Variants in DYM observed in about 807,000 individuals in gnomAD.
The protein encoded by DYM is dyggve-Melchior-Clausen syndrome protein.
Under a neutral mutation model 93.1 loss-of-function variants are expected in DYM, and 78 were observed. That is an observed-to-expected ratio of 0.84 (90% CI 0.70 to 1.01). The LOEUF is 1.01. DYM is among the 50% of genes least tolerant of loss of function. DYM has a pLI of 0.00. For synonymous variants in DYM, 321 were observed against 319.7 expected (o/e 1.00, Z -0.04); for missense variants, 789 against 845.0 (o/e 0.93, Z 0.82).
At chr18:49,316,053 G>A (rs140713250) in intron 8 of DYM, among the ~76,000 whole-genome samples, 1 of 152,272 alleles carries the variant, frequency 6.6e-6, no homozygotes, top group Non-Finnish European at 1.5e-5. Context: ...AGGCCAAGGT[G>A]AGCAGATTGC....
intron 9 of DYM, among the ~76,000 whole-genome samples, chr18:49,284,195 TA>T (rs2095062762): frequency 6.6e-6 from 1 of 152,204 alleles, no homozygotes; most frequent in South Asian, 2.1e-4. Context: ...CCACAACATA[TA>T]TACATTACTA....
At chr18:49,377,927 T>C (rs1366717769) in intron 5 of DYM, among the ~76,000 whole-genome samples, 2 of 152,210 alleles carry the variant, frequency 1.3e-5, no homozygotes, top group African/African-American at 4.8e-5. Context: ...CAGGTGACGC[T>C]GTCAGCCTGA....
chr18:49,328,806 G>A (rs973931942), intron 8 of DYM, among the ~76,000 whole-genome samples: 1 of 152,152 alleles, frequency 6.6e-6, no homozygotes, highest in Non-Finnish European at 1.5e-5. Context: ...AGGATGTGGA[G>A]AAATAGGAAC....
In DYM at chr18:49,076,596, C is replaced by G. The variant is rs559172519; in HGVS notation, c.2025+20806G>C. On this transcript the variant is annotated intron_variant, in intron 17 of 17. Coordinates refer to ENST00000675505, the MANE Select transcript of DYM (RefSeq NM_001353214.3). ...GGGAAGAGGTGAATTGTACATTCTG[C>G]TTTAAAACAACCCTTGAAGGTACTG... Among the ~76,000 whole-genome samples, 4 of 152,290 alleles carry G rather than the reference C, an allele frequency of 2.6e-5. No individual in the cohort carries two copies. In the South Asian group the frequency reaches 8.3e-4, roughly 32 times the overall value.
chr18:49,344,122 C>T (rs2064383261), intron 6 of DYM, among the ~76,000 whole-genome samples: 1 of 152,030 alleles, frequency 6.6e-6, no homozygotes, highest in African/African-American at 2.4e-5. Flanking sequence ...TGATGTTTTT[C>T]AAAAGTCAGT....
chr18:49,314,690 T>G (rs1464495044), intron 8 of DYM, among the ~76,000 whole-genome samples: 1 of 152,236 alleles, frequency 6.6e-6, no homozygotes, highest in Non-Finnish European at 1.5e-5. Context: ...TTTAATTCAT[T>G]TTCGCTTTAT....
intron 8 of DYM, among the ~76,000 whole-genome samples, chr18:49,289,195 A>T (rs1019543283): frequency 2.0e-5 from 3 of 152,256 alleles, no homozygotes; most frequent in African/African-American, 7.2e-5. Context: ...GTATTTAATT[A>T]TAGAAGCATA....
intron 16 of DYM, chr18:49,114,693 A>G: frequency 4.5e-6 from 2 of 441,810 alleles, no homozygotes; most frequent in Non-Finnish European, 3.0e-6. Flanking sequence ...GTGTGTGTTT[A>G]AGAGATGGTC....
chr18:49,061,371 G>A (rs897431264), intron 17 of DYM, among the ~76,000 whole-genome samples: 1 of 152,206 alleles, frequency 6.6e-6, no homozygotes, highest in Non-Finnish European at 1.5e-5. Flanking sequence ...CAGACAGGGA[G>A]ACAGAAAAGC....
chr18:49,236,277 G>T (rs1311038758), intron 13 of DYM, among the ~76,000 whole-genome samples: 1 of 152,052 alleles, frequency 6.6e-6, no homozygotes, highest in East Asian at 1.9e-4. Context: ...TCAGGAGATT[G>T]AGACCATCCT....
Position 49,253,497 on chromosome 18 carries a change from A to C in DYM, c.1460+3513T>G, listed in dbSNP as rs143494102. ...CATAATGATTTCCAGGCCAAAACTC[A>C]AAAGTGTTTTCTAAACTTTAATGTG... On this transcript the variant is annotated intron_variant, in intron 13 of 17. Transcript: ENST00000675505. Among the ~76,000 whole-genome samples, 210 of 152,372 alleles carry C rather than the reference A, an allele frequency of 1.4e-3. 1 individual carries two copies. Among genetic ancestry groups the C allele is most frequent in the African/African-American group, 4.9e-3 (202 of 41,592 alleles).
Position 49,039,353 on chromosome 18 carries a change from A to G in DYM, c.*4702T>C, listed in dbSNP as rs1261384461. Among the ~76,000 whole-genome samples, 2 of 151,954 alleles carry G rather than the reference A, an allele frequency of 1.3e-5. No individual in the cohort carries two copies. Among genetic ancestry groups the G allele is most frequent in the Non-Finnish European group, 2.9e-5 (2 of 67,964 alleles). On this transcript the variant is annotated 3_prime_UTR_variant, in exon 18 of 18. Transcript: ENST00000675505. ...AAAATATTATTTTTCTTTGGTCTTC[A>G]ACAGTTTTACTATGATGTTTCTAGG... is the stretch of plus-strand genomic sequence containing the variant.
chr18:49,134,699 T>C (rs923046552), intron 15 of DYM, among the ~76,000 whole-genome samples: 1 of 152,204 alleles, frequency 6.6e-6, no homozygotes, highest in Non-Finnish European at 1.5e-5. Flanking sequence ...TGTAGCATTG[T>C]CTTAAGCACT....
Position 49,097,428 on chromosome 18 carries a change from C to A in DYM, c.1999G>T (p.Val667Phe), listed in dbSNP as rs768403608. 6.2e-7 allele frequency: 1 copy of A among 1,613,900 alleles called. No homozygotes were observed. Among genetic ancestry groups the A allele is most frequent in the South Asian group, 1.1e-5 (1 of 91,080 alleles). Residue 667 changes from valine (V) to phenylalanine (F), a missense_variant, in exon 17 of 18, where the codon GTT becomes TTT. Physicochemically the swap from Val to Phe is conservative, Grantham distance 50. This residue lies in a region of DYM where 114 missense variants were observed against 105.8 expected (regional missense o/e 1.08). Transcript: ENST00000675505. Reference sequence around the variant, plus strand: ...TTCAGTCTGTCTTTGGGCAGCGCAACGACGCCTTGCTTAATGATTTCCAGG... The same window carrying A: ...TTCAGTCTGTCTTTGGGCAGCGCAAAGACGCCTTGCTTAATGATTTCCAGG... ...RVLEIIKQGVVALPKDRLKKF... is the reference protein window; with the variant it reads ...RVLEIIKQGVFALPKDRLKKF...
intron 14 of DYM, among the ~76,000 whole-genome samples, chr18:49,167,003 TGTGTGTGTG>T (rs1443592445): frequency 2.2e-5 from 3 of 136,486 alleles, no homozygotes; most frequent in Non-Finnish European, 4.5e-5. Context: ...TGTGTGTGTG[TGTGTGTGTG>T]TGTGTGTGTG....
intron 5 of DYM, among the ~76,000 whole-genome samples, chr18:49,366,943 T>C (rs1435519715): frequency 1.3e-5 from 2 of 152,164 alleles, no homozygotes; most frequent in Admixed American, 1.3e-4. Flanking sequence ...AACTCAAATC[T>C]ATACTCTCAA....
intron 17 of DYM, among the ~76,000 whole-genome samples, chr18:49,077,341 A>G (rs1225890372): frequency 6.6e-6 from 1 of 152,124 alleles, no homozygotes; most frequent in Non-Finnish European, 1.5e-5. Context: ...GCTTTTATTG[A>G]TTTCATCAAT....
At chr18:49,219,078 C>T (rs1467085218) in intron 13 of DYM, among the ~76,000 whole-genome samples, 1 of 152,134 alleles carries the variant, frequency 6.6e-6, no homozygotes, top group East Asian at 1.9e-4. Context: ...GGGAACATCA[C>T]CACCGATCCC....
At chr18:49,239,754 C>T (rs1160543847) in intron 13 of DYM, among the ~76,000 whole-genome samples, 8 of 152,194 alleles carry the variant, frequency 5.3e-5, no homozygotes, top group South Asian at 2.1e-4. Flanking sequence ...AGCTGCTCTA[C>T]GATGGCAAAC....
Sources: gnomAD v4.1 joint callset for allele counts (sites outside exome capture counted in the v4.1 genomes callset) on GRCh38, gnomAD v4.1.1 for gene constraint, gnomAD v4.1.1 regional missense constraint, MANE v1.5 for transcripts, NCBI Gene and HGNC (gene_info 2026-07-23, HGNC 2026-07-21) for gene names.